The following PUM1 variants were observed in gnomAD, a reference collection of about 807,000 sequenced individuals.
PUM1 encodes the protein pumilio RNA binding family member 1.
In PUM1, 13 loss-of-function variants were observed where a neutral mutation model predicts 131.8. The ratio of observed to expected loss-of-function variants is 0.10; its 90% confidence interval spans 0.06 to 0.16. The LOEUF (loss-of-function observed/expected upper bound fraction) is 0.16. PUM1 is among the 10% of genes least tolerant of loss of function. PUM1 has a pLI of 1.00. For missense variants in PUM1, 961 were observed against 1,512.4 expected, an observed-to-expected ratio of 0.64 and a Z score of 6.05; for synonymous variants, 509 against 556.5, an observed-to-expected ratio of 0.91 and a Z score of 1.20.
chr1:30,944,902 G>A (rs951021480), intron 18 of PUM1, among the ~76,000 whole-genome samples: 12 of 152,192 alleles, frequency 7.9e-5, no homozygotes, highest in African/African-American at 2.9e-4. Flanking sequence ...ACAGGTACCT[G>A]ACAGTACTAT....
At chr1:31,038,574 C>T (rs141443026) in intron 2 of PUM1, among the ~76,000 whole-genome samples, 1 of 152,242 alleles carries the variant, frequency 6.6e-6, no homozygotes, top group African/African-American at 2.4e-5. Context: ...GCATTACATA[C>T]AAATATTTGT....
chr1:31,002,650 G>C (rs768703492), intron 5 of PUM1, among the ~76,000 whole-genome samples: 1 of 152,028 alleles, frequency 6.6e-6, no homozygotes, highest in Non-Finnish European at 1.5e-5. Flanking sequence ...TCTACTCCAA[G>C]AATAAATAAA....
intron 14 of PUM1, among the ~76,000 whole-genome samples, chr1:30,956,021 A>C (rs1408737301): frequency 1.3e-5 from 2 of 152,196 alleles, no homozygotes; most frequent in East Asian, 3.9e-4. Context: ...TGTTCATCCA[A>C]AGATACAAAA....
At chr1:30,966,968 TC>T in intron 12 of PUM1, 198 bp downstream of exon 12, 1 of 511,432 alleles carries the variant, frequency 2.0e-6, no homozygotes. Flanking sequence ...ATGCCACCCC[TC>T]CCCCAACCCA....
chr1:30,933,088 G>A lies in PUM1; in HGVS notation c.*123C>T. 8.1e-7 allele frequency: 1 copy of A among 1,241,250 alleles called. No homozygotes were observed. The allele number at this position is 1,241,250 out of a possible 1,614,324, so 76.9% of individuals were successfully genotyped here. On this transcript the variant is annotated 3_prime_UTR_variant, in exon 22 of 22. Transcript: ENST00000426105. ...TTTGATTCCTTTTTTGGAGGAGGGA[G>A]TAATCCTGGAGCAACCACTTGCCCG... is the stretch of plus-strand genomic sequence containing the variant.
chr1:30,936,935 A>T (rs1639235446), intron 20 of PUM1, 100 bp from the exon 21 acceptor site: 2 of 986,648 alleles, frequency 2.0e-6, no homozygotes, highest in South Asian at 3.6e-5. Context: ...ACCAGCAGGG[A>T]GAGAGAGCTA....
rs749790987 is a variant in PUM1, at chr1:30,967,286, G to A, written c.1670C>T (p.Ala557Val). ...AAGGGCACCAGTTTGGTCATAGTAAGCAGCAGGAGCCAACACCGGATAACC... is the reference window on the plus strand; with the variant it reads ...AAGGGCACCAGTTTGGTCATAGTAAACAGCAGGAGCCAACACCGGATAACC... Reference protein sequence around the residue: ...MPGYPVLAPAAYYDQTGALVV... With the variant: ...MPGYPVLAPAVYYDQTGALVV... Residue 557 changes from alanine to valine, a missense_variant, in exon 12 of 22, where the codon GCT becomes GTT. By Grantham distance (64) the Ala-to-Val change is moderately conservative (BLOSUM62 0). Transcript: ENST00000426105. 6.2e-7 allele frequency: 1 copy of A among 1,613,888 alleles called. No individual in the cohort carries two copies. The highest frequency in any genetic ancestry group is 1.1e-5 in the South Asian group (1 of 91,054).
At chr1:31,029,893 A>T (rs1421355879) in intron 2 of PUM1, among the ~76,000 whole-genome samples, 1 of 141,018 alleles carries the variant, frequency 7.1e-6, no homozygotes, top group African/African-American at 2.7e-5. Flanking sequence ...CAATCTAGGT[A>T]ACAGAGGGAG....
At chr1:31,058,852 C>T (rs1644309445) in intron 2 of PUM1, among the ~76,000 whole-genome samples, 1 of 151,852 alleles carries the variant, frequency 6.6e-6, no homozygotes, top group Non-Finnish European at 1.5e-5. Context: ...CACCTGTAGT[C>T]CCAGCTACTC....
chr1:31,063,961 T>C (rs1447030466), intron 1 of PUM1, among the ~76,000 whole-genome samples: 8 of 152,184 alleles, frequency 5.3e-5, no homozygotes, highest in African/African-American at 1.9e-4. Flanking sequence ...ATCCTAAATA[T>C]CAGAAAAGCT....
intron 7 of PUM1, among the ~76,000 whole-genome samples, chr1:30,984,486 AAATGCTCAAAGGTCAGTAT>A (rs1641472118): frequency 6.6e-6 from 1 of 152,208 alleles, no homozygotes; most frequent in South Asian, 2.1e-4. Flanking sequence ...GAGTTGGGGG[AAATGCTCAAAGGTCAGTAT>A]AATGATAAAT....
chr1:31,051,372 C>T (rs1392298645), intron 2 of PUM1, among the ~76,000 whole-genome samples: 3 of 150,780 alleles, frequency 2.0e-5, no homozygotes, highest in Non-Finnish European at 2.9e-5. Context: ...GGCACAATCT[C>T]GGCTCACCGC....
chr1:30,938,940 C>A (rs376829000), intron 20 of PUM1, among the ~76,000 whole-genome samples: 1 of 114,104 alleles, frequency 8.8e-6, no homozygotes, highest in Non-Finnish European at 1.9e-5. Flanking sequence ...GACAGACAGA[C>A]AGACAGATAG....
chr1:30,966,248 CCATTTGCTGAAGCTG>C lies in PUM1; in HGVS notation c.1805_1819del (p.Ala602_Asn606del), dbSNP rs1386890493. On this transcript the variant is annotated inframe_deletion, in exon 13 of 22. Transcript: ENST00000426105. The stretch of plus-strand genomic sequence containing the variant: ...TGTTCCAGCAAGACCACCAGCTGCT[CCATTTGCTGAAGCTG>C]CGGCTGCTGCAACAGCTATGAAGAA... 7 of 1,605,860 alleles carry C rather than the reference CCATTTGCTGAAGCTG, an allele frequency of 4.4e-6. No homozygotes were observed. The highest frequency in any genetic ancestry group is 6.0e-6 in the Non-Finnish European group (7 of 1,173,940).
intron 2 of PUM1, among the ~76,000 whole-genome samples, chr1:31,058,496 CA>C (rs34857025): frequency 1.3e-5 from 2 of 149,698 alleles, no homozygotes; most frequent in Admixed American, 6.7e-5. Context: ...CCGTCTCTAC[CA>C]AAAAAAATAC....
chr1:31,000,629 T>A (rs1642174393), intron 5 of PUM1, among the ~76,000 whole-genome samples: 1 of 152,222 alleles, frequency 6.6e-6, no homozygotes, highest in African/African-American at 2.4e-5. Flanking sequence ...TTACTACTCT[T>A]ACTGCCGTGA....
At chr1:30,991,235 A>G (rs1641778078) in intron 7 of PUM1, among the ~76,000 whole-genome samples, 1 of 152,202 alleles carries the variant, frequency 6.6e-6, no homozygotes, top group South Asian at 2.1e-4. Context: ...TCATATGGGG[A>G]GGCAGGCATA....
chr1:31,053,898 T>G lies in PUM1; in HGVS notation c.363+5306A>C, dbSNP rs749995469. ...TCACCTGAGGTTAGGAGTTCGAGAC[T>G]AGCCTGGCCAACATGGTGAAACCTT... On this transcript the variant is annotated intron_variant, in intron 2 of 21. Transcript: ENST00000426105. 2.6e-5 allele frequency among the ~76,000 whole-genome samples: 4 copies of G among 151,986 alleles called. No individual in the cohort carries two copies. The Middle Eastern group carries it at 0.01, about 388-fold the overall frequency.
intron 21 of PUM1, 76 bp downstream of exon 21, chr1:30,936,567 C>T (rs1639218611): frequency 7.3e-7 from 1 of 1,377,632 alleles, no homozygotes; most frequent in South Asian, 1.4e-5. Context: ...AGCAGGGCAC[C>T]CACCCTCCTT....
Sources: gnomAD v4.1 joint callset for allele counts (sites outside exome capture counted in the v4.1 genomes callset) on GRCh38, gnomAD v4.1.1 for gene constraint, MANE v1.5 for transcripts, NCBI Gene and HGNC (gene_info 2026-07-23, HGNC 2026-07-21) for gene names.